Variants in YES1 observed in about 807,000 individuals in gnomAD.
The protein encoded by YES1 is YES proto-oncogene 1, Src family tyrosine kinase, also known as tyrosine-protein kinase Yes.
A neutral mutation model predicts 70.4 loss-of-function variants in YES1; 39 were observed. The observed-to-expected ratio is 0.55, with a 90% CI of 0.43 to 0.72. The LOEUF (loss-of-function observed/expected upper bound fraction) is 0.72, where lower values mean the gene tolerates loss of function less well. Among genes scored for constraint, YES1 ranks in the 30% least tolerant of loss-of-function variants. The probability of loss-of-function intolerance (pLI) is 0.00; values close to 1 mark genes in which losing one functional copy is unlikely to be tolerated. For synonymous variants in YES1, 198 were observed against 218.6 expected (o/e 0.91, Z 0.83); for missense variants, 495 against 644.8 (o/e 0.77, Z 2.52).
chr18:765,024 T>G (rs993808903), intron 1 of YES1, among the ~76,000 whole-genome samples: 2 of 151,112 alleles, frequency 1.3e-5, no homozygotes, highest in Non-Finnish European at 3.0e-5. Flanking sequence ...GTGAGCCACC[T>G]CGCCCGGCTT....
intron 9 of YES1, 66 bp from the exon 10 acceptor site, chr18:737,027 A>G (rs2080161797): frequency 7.6e-7 from 1 of 1,309,782 alleles, no homozygotes; most frequent in African/African-American, 1.5e-5. Context: ...GAAGACAATT[A>G]TGGTTAATAT....
At chr18:789,607 AC>A (rs1278816823) in intron 1 of YES1, among the ~76,000 whole-genome samples, 1 of 152,110 alleles carries the variant, frequency 6.6e-6, no homozygotes, top group Non-Finnish European at 1.5e-5. Flanking sequence ...AACCCCCAAA[AC>A]AAAAAAACCC....
At chr18:743,207 C>G in intron 7 of YES1, 53 bp downstream of exon 7, 1 of 1,573,262 alleles carries the variant, frequency 6.4e-7, no homozygotes, top group Non-Finnish European at 8.6e-7. Flanking sequence ...TAAATTGTTG[C>G]ACTTTAATCC....
In YES1 at chr18:747,966, T is replaced by C. The variant is rs1240623963; in HGVS notation, c.424A>G (p.Ile142Val). The stretch of plus-strand genomic sequence containing the variant: ...GCAGGCGCTACATAATTGCTCGGGA[T>C]ATAACCATTCTTTCCTGTAGCGATT... Reference protein sequence around the residue: ...RSIATGKNGYIPSNYVAPADS... With the variant: ...RSIATGKNGYVPSNYVAPADS... Residue 142 changes from isoleucine to valine, a missense_variant, in exon 4 of 12, where the codon ATC becomes GTC. Transcript: ENST00000314574. 17 of 1,613,824 alleles carry C rather than the reference T, an allele frequency of 1.1e-5. No homozygotes were observed. The highest frequency in any genetic ancestry group is 1.4e-5 in the Non-Finnish European group (17 of 1,180,004).
At chr18:789,665 C>A (rs1282845638) in intron 1 of YES1, among the ~76,000 whole-genome samples, 1 of 151,996 alleles carries the variant, frequency 6.6e-6, no homozygotes, top group East Asian at 1.9e-4. Context: ...GTATTCAGAG[C>A]AAATTTCAGA....
At chr18:733,043 G>T (rs2080110747) in intron 10 of YES1, 78 bp from the exon 11 acceptor site, 2 of 1,428,304 alleles carry the variant, frequency 1.4e-6, no homozygotes, top group Admixed American at 1.7e-5. Flanking sequence ...CAGGGCTAAT[G>T]TTCTGTCAAT....
chr18:725,716 C>T (rs1003856802), intron 11 of YES1, among the ~76,000 whole-genome samples: 2 of 152,078 alleles, frequency 1.3e-5, no homozygotes, highest in South Asian at 4.1e-4. Flanking sequence ...GGTGAAACCA[C>T]GACTCTACAA....
At chr18:734,633 A>G (rs1014289473) in intron 10 of YES1, among the ~76,000 whole-genome samples, 11 of 152,126 alleles carry the variant, frequency 7.2e-5, no homozygotes, top group Non-Finnish European at 1.2e-4. Flanking sequence ...ATGCAAATTA[A>G]AACTACAGTG....
chr18:811,111 TAC>T (rs973946008), intron 1 of YES1, among the ~76,000 whole-genome samples: 11 of 152,222 alleles, frequency 7.2e-5, no homozygotes, highest in Non-Finnish European at 8.8e-5. Flanking sequence ...ACTGTAATCT[TAC>T]AGTTATAATA....
intron 1 of YES1, among the ~76,000 whole-genome samples, chr18:766,453 G>A (rs566106260): frequency 1.3e-5 from 2 of 151,874 alleles, no homozygotes; most frequent in African/African-American, 2.4e-5. Context: ...TACATGATTA[G>A]TGAAAGATGA....
chr18:741,974 G>A (rs1302169181), intron 8 of YES1, among the ~76,000 whole-genome samples: 1 of 152,100 alleles, frequency 6.6e-6, no homozygotes, highest in African/African-American at 2.4e-5. Flanking sequence ...GTCCCCTTTT[G>A]AGGGGAAAAA....
In YES1 at chr18:806,235, T is replaced by G. The variant is rs191735641; in HGVS notation, c.-9+5879A>C. 5.4e-4 allele frequency among the ~76,000 whole-genome samples: 82 copies of G among 152,346 alleles called. 1 individual carries two copies. The highest frequency in any genetic ancestry group is 1.5e-3 in the African/African-American group (62 of 41,584). On this transcript the variant is annotated intron_variant, in intron 1 of 11. Coordinates refer to ENST00000314574, the MANE Select transcript of YES1 (RefSeq NM_005433.4). The stretch of plus-strand genomic sequence containing the variant: ...TTCTTCAGCATAACTTGGACTTTCT[T>G]CACTAAAATAGTACAACGTATTTAT...
intron 1 of YES1, among the ~76,000 whole-genome samples, chr18:781,764 C>CA (rs1555689896): frequency 1.4e-5 from 2 of 147,406 alleles, no homozygotes; most frequent in African/African-American, 5.0e-5. Context: ...ACTGAATTTC[C>CA]TTTTTTTTTT....
At chr18:765,265 TATATATATATATATA>T (rs1250592772) in intron 1 of YES1, among the ~76,000 whole-genome samples, 7 of 61,984 alleles carry the variant, frequency 1.1e-4, no homozygotes, top group African/African-American at 4.0e-4. Flanking sequence ...TATATATATA[TATATATATATATATA>T]TATATATATA....
At chr18:773,862 T>C (rs775768925) in intron 1 of YES1, among the ~76,000 whole-genome samples, 3 of 151,960 alleles carry the variant, frequency 2.0e-5, no homozygotes, top group Non-Finnish European at 4.4e-5. Flanking sequence ...GACGGAATCT[T>C]GCTCTGTCGC....
chr18:807,195 G>A (rs551977727), intron 1 of YES1, among the ~76,000 whole-genome samples: 36 of 152,194 alleles, frequency 2.4e-4, no homozygotes, highest in Non-Finnish European at 3.2e-4. Context: ...TTAGCCGGGC[G>A]TGGTGGTGCA....
chr18:793,312 TACAGGCGTGAGCC>T (rs1436094939), intron 1 of YES1, among the ~76,000 whole-genome samples: 19 of 152,086 alleles, frequency 1.2e-4, no homozygotes, highest in African/African-American at 4.6e-4. Context: ...GTGCTGGGAT[TACAGGCGTGAGCC>T]ACCGCGCCTG....
At chr18:802,655 A>G (rs938815748) in intron 1 of YES1, among the ~76,000 whole-genome samples, 11 of 152,170 alleles carry the variant, frequency 7.2e-5, no homozygotes, top group Admixed American at 2.0e-4. Flanking sequence ...ATTGCTCCTC[A>G]TTCCTAAGAA....
chr18:766,132 C>T (rs1904898315), intron 1 of YES1, among the ~76,000 whole-genome samples: 1 of 152,148 alleles, frequency 6.6e-6, no homozygotes, highest in Non-Finnish European at 1.5e-5. Context: ...ATCCTTCTTA[C>T]GTTTGCCAAG....
Sources: gnomAD v4.1 joint callset for allele counts (sites outside exome capture counted in the v4.1 genomes callset) on GRCh38, gnomAD v4.1.1 for gene constraint, MANE v1.5 for transcripts, NCBI Gene and HGNC (gene_info 2026-07-23, HGNC 2026-07-21) for gene names.